RAB5A: variants seen among roughly 807,000 people sequenced by gnomAD.
The protein encoded by RAB5A is ras-related protein Rab-5A.
RAB5A carries 8 observed loss-of-function variants against 25.7 expected under a neutral mutation model. The observed-to-expected ratio is 0.31, with a 90% CI of 0.18 to 0.56. The LOEUF (loss-of-function observed/expected upper bound fraction) is 0.56, where lower values mean the gene tolerates loss of function less well. Among genes scored for constraint, RAB5A ranks in the 20% least tolerant of loss-of-function variants. The pLI is 0.91. For synonymous variants in RAB5A, 98 were observed against 89.8 expected (o/e 1.09, Z -0.52); for missense variants, 192 against 259.7 (o/e 0.74, Z 1.79).
chr3:19,959,444 T>A lies in RAB5A; in HGVS notation c.163+8383T>A, dbSNP rs546562076. ...ACTGATCTTCTTGTTATGTACTAATTTATATATATATATATGTATGTATAT... is the reference window on the plus strand; with the variant it reads ...ACTGATCTTCTTGTTATGTACTAATATATATATATATATATGTATGTATAT... On this transcript the variant is annotated intron_variant, in intron 2 of 5. Transcript: ENST00000273047. Among the ~76,000 whole-genome samples the A allele has an allele frequency of 4.6e-3, 509 of 111,146 alleles. 5 individuals are homozygous for A. Among genetic ancestry groups the A allele is most frequent in the African/African-American group, 0.012 (436 of 35,158 alleles). The allele number at this position is 111,146 out of a possible 152,430, so 72.9% of individuals were successfully genotyped here.
rs148644386 is a variant in RAB5A at position 19,981,387 on chromosome 3, T to G, written c.533-2321T>G. On this transcript the variant is annotated intron_variant, in intron 5 of 5. Transcript: ENST00000273047. ...CACTTTGGGAGGCCAAGGCGGGCTA[T>G]CACCTGAGGTCAGGAGTTGGTCAGG... 3.8e-3 allele frequency among the ~76,000 whole-genome samples: 573 copies of G among 152,160 alleles called. 5 individuals are homozygous for G. Among genetic ancestry groups the G allele is most frequent in the African/African-American group, 0.013 (547 of 41,504 alleles).
At position 19,950,803 on chromosome 3, in the gene RAB5A, C is replaced by A; in HGVS notation, c.-93-3C>A. 2 of 1,207,442 alleles carry A rather than the reference C, an allele frequency of 1.7e-6. No homozygotes were observed. The highest frequency in any genetic ancestry group is 2.3e-6 in the Non-Finnish European group (2 of 875,620). The allele number at this position is 1,207,442 out of a possible 1,614,324, so 74.8% of individuals were successfully genotyped here. A position where few individuals can be genotyped will look rare whatever the true frequency, so the allele number is the denominator to read the frequency against. The stretch of plus-strand genomic sequence containing the variant: ...TATTTAATTCATAATTGTTTCTTTA[C>A]AGGTTTCTTTACCTCCAGAAAGAAG... On this transcript the variant is annotated splice_polypyrimidine_tract_variant and splice_region_variant and intron_variant, in intron 1 of 5. Transcript: ENST00000273047.
chr3:19,967,424 C>CATG (rs1696676975), intron 2 of RAB5A, among the ~76,000 whole-genome samples: 1 of 152,192 alleles, frequency 6.6e-6, no homozygotes, highest in African/African-American at 2.4e-5. Flanking sequence ...GGATTATAGG[C>CATG]ATGAGCCATT....
intron 2 of RAB5A, among the ~76,000 whole-genome samples, chr3:19,966,461 C>T (rs1296769799): frequency 6.6e-6 from 1 of 152,178 alleles, no homozygotes; most frequent in Non-Finnish European, 1.5e-5. Context: ...AGGTTGCTTT[C>T]ATCTTTAGCT....
At chr3:19,978,443 AAAC>A (rs1410806388) in intron 5 of RAB5A, 40 bp downstream of exon 5, 1 of 1,443,034 alleles carries the variant, frequency 6.9e-7, no homozygotes, top group Non-Finnish European at 9.6e-7. Context: ...AATATAAGCA[AAAC>A]AAGTGTGAAG....
intron 2 of RAB5A, among the ~76,000 whole-genome samples, chr3:19,955,841 G>A (rs958234139): frequency 1.3e-5 from 2 of 152,058 alleles, no homozygotes; most frequent in African/African-American, 2.4e-5. Flanking sequence ...TTGTTGCAAT[G>A]AGCCGAGATC....
At chr3:19,964,459 G>T (rs184940188) in intron 2 of RAB5A, among the ~76,000 whole-genome samples, 1 of 151,998 alleles carries the variant, frequency 6.6e-6, no homozygotes, top group African/African-American at 2.4e-5. Flanking sequence ...TTCCTGTTAC[G>T]TAAATCTAAT....
chr3:19,980,621 A>T (rs1696907729), intron 5 of RAB5A, among the ~76,000 whole-genome samples: 1 of 152,192 alleles, frequency 6.6e-6, no homozygotes, highest in Non-Finnish European at 1.5e-5. Flanking sequence ...CTTAGGGAAC[A>T]TGCTAAAGGG....
chr3:19,971,947 TC>T (rs60331672), intron 2 of RAB5A, among the ~76,000 whole-genome samples: 3,973 of 152,294 alleles, frequency 0.026, 161 homozygotes, highest in African/African-American at 0.09. Flanking sequence ...TTTTTGAACT[TC>T]CTTCTTTTAG....
intron 2 of RAB5A, among the ~76,000 whole-genome samples, chr3:19,962,454 G>T (rs898643511): frequency 1.3e-4 from 9 of 70,698 alleles, no homozygotes; most frequent in African/African-American, 4.5e-4. Context: ...TGTAGTCCCA[G>T]TTACTCGGGA....
At chr3:19,964,917 T>TTTAC (rs112608209) in intron 2 of RAB5A, among the ~76,000 whole-genome samples, 6 of 148,176 alleles carry the variant, frequency 4.0e-5, no homozygotes, top group African/African-American at 1.5e-4. Flanking sequence ...ACTCCTAAGA[T>TTTAC]TTACTTACTT....
intron 5 of RAB5A, among the ~76,000 whole-genome samples, chr3:19,982,970 T>C (rs1338950750): frequency 2.0e-5 from 3 of 152,164 alleles, no homozygotes; most frequent in African/African-American, 7.2e-5. Context: ...TAGAGAACGC[T>C]GATATGAGCT....
chr3:19,950,203 T>G (rs1696403286), intron 1 of RAB5A, among the ~76,000 whole-genome samples: 1 of 152,220 alleles, frequency 6.6e-6, no homozygotes, highest in South Asian at 2.1e-4. Flanking sequence ...GTTTTAAGTC[T>G]GCCGTTAGGC....
chr3:19,953,518 A>G (rs773624501), intron 2 of RAB5A, among the ~76,000 whole-genome samples: 11 of 149,330 alleles, frequency 7.4e-5, no homozygotes, highest in East Asian at 2.0e-4. Context: ...AGCAATTCTC[A>G]TGCCTCAGCC....
intron 2 of RAB5A, among the ~76,000 whole-genome samples, chr3:19,963,731 AC>A (rs1696624182): frequency 6.6e-6 from 1 of 151,826 alleles, no homozygotes; most frequent in African/African-American, 2.4e-5. Flanking sequence ...TGCAGCCTCC[AC>A]CCCCTGGGCT....
At chr3:19,950,663 T>G (rs1244494665) in intron 1 of RAB5A, 143 bp from the exon 2 acceptor site, 1 of 381,088 alleles carries the variant, frequency 2.6e-6, no homozygotes. Flanking sequence ...TTGAATTTCC[T>G]TTAAAAGATA....
chr3:19,961,643 A>G (rs937444248), intron 2 of RAB5A, among the ~76,000 whole-genome samples: 3 of 152,204 alleles, frequency 2.0e-5, no homozygotes, highest in Non-Finnish European at 4.4e-5. Context: ...CCTTTAATCA[A>G]ATGCATTAAT....
At chr3:19,955,494 G>T (rs1696486274) in intron 2 of RAB5A, among the ~76,000 whole-genome samples, 2 of 152,158 alleles carry the variant, frequency 1.3e-5, no homozygotes, top group South Asian at 4.1e-4. Context: ...GATTCTAATG[G>T]CATGTTACGT....
chr3:19,982,046 A>G (rs889392851), intron 5 of RAB5A, among the ~76,000 whole-genome samples: 4 of 151,962 alleles, frequency 2.6e-5, no homozygotes, highest in Non-Finnish European at 5.9e-5. Context: ...GTTCTAGACC[A>G]GCCTGGGCAA....
Sources: gnomAD v4.1 joint callset for allele counts (sites outside exome capture counted in the v4.1 genomes callset) on GRCh38, gnomAD v4.1.1 for gene constraint, MANE v1.5 for transcripts, NCBI Gene and HGNC (gene_info 2026-07-23, HGNC 2026-07-21) for gene names.